The following MIPEP variants were observed in gnomAD, a reference collection of about 807,000 sequenced individuals.
MIPEP encodes mitochondrial intermediate peptidase.
In MIPEP, 79 loss-of-function variants were observed where a neutral mutation model predicts 90.3. That is an observed-to-expected ratio of 0.87 (90% CI 0.73 to 1.05). The LOEUF is 1.05. Among genes scored for constraint, MIPEP ranks in the 50% least tolerant of loss-of-function variants. The probability of loss-of-function intolerance (pLI) is 0.00; values close to 1 mark genes in which losing one functional copy is unlikely to be tolerated. For missense variants in MIPEP, 940 were observed against 905.6 expected (o/e 1.04, Z -0.49); for synonymous variants, 334 against 315.8 (o/e 1.06, Z -0.61).
chr13:23,836,425 CTT>C (rs1869052917), intron 13 of MIPEP, 76 bp from the exon 14 acceptor site: 1 of 728,340 alleles, frequency 1.4e-6, no homozygotes, highest in Admixed American at 3.1e-5. Context: ...CCCTTTAAAA[CTT>C]TTATTTGTAC....
At chr13:23,759,625 T>C (rs1396919572) in intron 17 of MIPEP, among the ~76,000 whole-genome samples, 1 of 152,080 alleles carries the variant, frequency 6.6e-6, no homozygotes, top group East Asian at 1.9e-4. Context: ...ACCTGGCCTT[T>C]AGAAAGAGAT....
chr13:23,881,364 C>T (rs1487651609), intron 3 of MIPEP, among the ~76,000 whole-genome samples: 4 of 152,182 alleles, frequency 2.6e-5, no homozygotes, highest in Admixed American at 2.6e-4. Flanking sequence ...GACAAGAATC[C>T]TGGGTGTCTG....
At chr13:23,861,308 T>C (rs973827353) in intron 9 of MIPEP, among the ~76,000 whole-genome samples, 3 of 152,176 alleles carry the variant, frequency 2.0e-5, no homozygotes, top group Non-Finnish European at 2.9e-5. Flanking sequence ...GGCAACACAT[T>C]TTGTTTTTTA....
intron 5 of MIPEP, among the ~76,000 whole-genome samples, 179 bp downstream of exon 5, chr13:23,874,667 C>T (rs1040422896): frequency 6.6e-6 from 1 of 152,192 alleles, no homozygotes; most frequent in African/African-American, 2.4e-5. Context: ...GATAGGTCAA[C>T]TTCCAGAGAG....
rs1244826809 is a variant in MIPEP, at chr13:23,874,866, T to G, written c.583A>C (p.Ile195Leu). 1 of 1,600,402 alleles carries G rather than the reference T, an allele frequency of 6.2e-7. No homozygotes were observed. The highest frequency in any genetic ancestry group is 1.4e-5 in the African/African-American group (1 of 73,992). ...LFMFDFEISG[I>L]HLDKEKRKRA... ...TGTACCTTTTCTTTGTCTAGATGGATTCCACTAATTTCAAAATCAAACATA... is the reference window on the plus strand; with the variant it reads ...TGTACCTTTTCTTTGTCTAGATGGAGTCCACTAATTTCAAAATCAAACATA... Residue 195 changes from isoleucine to leucine, a missense_variant, in exon 5 of 19, where the codon ATC becomes CTC. Physicochemically the swap from Ile to Leu is conservative, Grantham distance 5 (BLOSUM62 2). Transcript: ENST00000382172.
At position 23,756,597 on chromosome 13, in the gene MIPEP, G is replaced by A; in HGVS notation, c.1992C>T (p.Arg664=). 5 of 1,613,634 alleles carry A rather than the reference G, an allele frequency of 3.1e-6. No homozygotes were observed. The highest frequency in any genetic ancestry group is 4.2e-6 in the Non-Finnish European group (5 of 1,180,036). The change falls in exon 18 of 19, where the codon CGC becomes CGT. Residue 664 remains arginine, a synonymous_variant. Coordinates refer to ENST00000382172, the MANE Select transcript of MIPEP (RefSeq NM_005932.4). ...PFNRAAGERY[R]REMLAHGGGR... The stretch of plus-strand genomic sequence containing the variant: ...CTCCACCGTGGGCCAGCATCTCCCT[G>A]CGATAGCGCTCCCCGGCAGCCCTGG...
At chr13:23,800,599 A>C (rs1423492343) in intron 16 of MIPEP, among the ~76,000 whole-genome samples, 1 of 152,228 alleles carries the variant, frequency 6.6e-6, no homozygotes, top group Non-Finnish European at 1.5e-5. Flanking sequence ...CCTATATTTT[A>C]TACAGAGTGA....
At chr13:23,880,080 A>G (rs1871215327) in intron 3 of MIPEP, among the ~76,000 whole-genome samples, 1 of 152,112 alleles carries the variant, frequency 6.6e-6, no homozygotes, top group Non-Finnish European at 1.5e-5. Flanking sequence ...TCAAGGAGGG[A>G]TAAGGTTGTA....
intron 14 of MIPEP, among the ~76,000 whole-genome samples, chr13:23,819,623 C>T (rs991219713): frequency 3.9e-5 from 6 of 151,972 alleles, no homozygotes; most frequent in Admixed American, 6.6e-5. Flanking sequence ...CATCTAATCC[C>T]GAAGTTTTAG....
intron 16 of MIPEP, among the ~76,000 whole-genome samples, chr13:23,791,724 A>C (rs1259907996): frequency 1.3e-5 from 2 of 152,158 alleles, no homozygotes; most frequent in Non-Finnish European, 2.9e-5. Flanking sequence ...AAAAAAACAA[A>C]AACAACCTCC....
chr13:23,767,937 T>A (rs1032061941), intron 16 of MIPEP, among the ~76,000 whole-genome samples: 2 of 152,164 alleles, frequency 1.3e-5, no homozygotes, highest in African/African-American at 4.8e-5. Flanking sequence ...TGAACAGGAC[T>A]CTCGATTGCT....
chr13:23,862,773 G>A (rs1431263929), intron 8 of MIPEP, among the ~76,000 whole-genome samples: 1 of 152,068 alleles, frequency 6.6e-6, no homozygotes, highest in African/African-American at 2.4e-5. Context: ...TTTCCCCTTT[G>A]GAAAAACTCT....
intron 14 of MIPEP, among the ~76,000 whole-genome samples, chr13:23,816,793 C>T (rs1434690675): frequency 1.9e-4 from 29 of 152,204 alleles, no homozygotes; most frequent in Admixed American, 1.9e-3. Context: ...ACCCTGCTCT[C>T]ATGAGCACCC....
At chr13:23,838,132 T>G (rs1869136543) in intron 12 of MIPEP, among the ~76,000 whole-genome samples, 1 of 152,074 alleles carries the variant, frequency 6.6e-6, no homozygotes, top group South Asian at 2.1e-4. Flanking sequence ...GTACTTTCCA[T>G]GTCTCTTGGC....
At chr13:23,775,954 T>C (rs7325382) in intron 16 of MIPEP, among the ~76,000 whole-genome samples, 86,282 of 152,032 alleles carry the variant, frequency 0.57, 24,834 homozygotes, top group South Asian at 0.65. Flanking sequence ...TAAAATGTTA[T>C]CAAAATGATG....
chr13:23,749,288 A>G (rs746524932), intron 18 of MIPEP, among the ~76,000 whole-genome samples: 1 of 152,158 alleles, frequency 6.6e-6, no homozygotes, highest in Non-Finnish European at 1.5e-5. Context: ...TGATGTTTGT[A>G]TTGTGCAAAT....
At chr13:23,781,497 A>G (rs1952781775) in intron 16 of MIPEP, among the ~76,000 whole-genome samples, 1 of 152,214 alleles carries the variant, frequency 6.6e-6, no homozygotes, top group African/African-American at 2.4e-5. Context: ...CCACTGCAAA[A>G]ACATGCCAAA....
At chr13:23,853,082 T>G (rs1205707478) in intron 10 of MIPEP, among the ~76,000 whole-genome samples, 1 of 152,158 alleles carries the variant, frequency 6.6e-6, no homozygotes, top group African/African-American at 2.4e-5. Flanking sequence ...ATCAAAAAGT[T>G]TTTAAAAACT....
At position 23,836,321 on chromosome 13, in the gene MIPEP, C is replaced by A. The variant is rs144717522; in HGVS notation, c.1572G>T (p.Glu524Asp). ...AGTACTCCATCAGAATAGAAGGAAC[C>A]TCAGCAAAATCAGTAGGGCACCTGG... ...TGTRCPTDFA[E>D]VPSILMEYFA... is the part of the protein sequence containing the mutation. The change falls in exon 14 of 19, where the codon GAG becomes GAT. Residue 524 changes from glutamate to aspartate, a missense_variant. Physicochemically the swap from Glu to Asp is conservative, Grantham distance 45. Coordinates refer to ENST00000382172, the MANE Select transcript of MIPEP (RefSeq NM_005932.4). 2 of 1,594,398 alleles carry A rather than the reference C, an allele frequency of 1.3e-6. No homozygotes were observed. Among genetic ancestry groups the A allele is most frequent in the African/African-American group, 1.4e-5 (1 of 73,896 alleles).
Sources: gnomAD v4.1 joint callset for allele counts (sites outside exome capture counted in the v4.1 genomes callset) on GRCh38, gnomAD v4.1.1 for gene constraint, MANE v1.5 for transcripts, NCBI Gene and HGNC (gene_info 2026-07-23, HGNC 2026-07-21) for gene names.